Variants in CNTNAP3 observed in about 807,000 individuals in gnomAD.
The protein encoded by CNTNAP3 is contactin-associated protein-like 3.
CNTNAP3 carries 36 observed loss-of-function variants against 92.1 expected under a neutral mutation model. That is an observed-to-expected ratio of 0.39 (90% confidence interval 0.30 to 0.52). The LOEUF is 0.52. CNTNAP3 is among the 20% of genes least tolerant of loss of function. The pLI, the probability that CNTNAP3 is intolerant of heterozygous loss-of-function variation, is 0.76. For missense variants in CNTNAP3, 534 were observed against 1,069.6 expected, an observed-to-expected ratio of 0.50 and a Z score of 6.98; for synonymous variants, 232 against 422.3, an observed-to-expected ratio of 0.55 and a Z score of 5.53.
At chr9:39,113,516 C>T (rs908904465) in intron 14 of CNTNAP3, among the ~76,000 whole-genome samples, 15 of 151,360 alleles carry the variant, frequency 9.9e-5, no homozygotes, top group Non-Finnish European at 2.2e-4. Context: ...CCTGATATTT[C>T]TTTATATTAT....
chr9:39,103,618 GAAGTT>G, intron 16 of CNTNAP3, 121 bp downstream of exon 16: 1 of 1,140,774 alleles, frequency 8.8e-7, no homozygotes, highest in Non-Finnish European at 1.2e-6. Flanking sequence ...TAAAATCATA[GAAGTT>G]TAGTATTTTA....
At chr9:39,121,580 C>G (rs1169434525) in intron 13 of CNTNAP3, among the ~76,000 whole-genome samples, 1 of 152,250 alleles carries the variant, frequency 6.6e-6, no homozygotes, top group South Asian at 2.1e-4. Context: ...CTAATGGAGC[C>G]AAAGCAGATG....
intron 13 of CNTNAP3, 143 bp downstream of exon 13, chr9:39,132,789 G>C (rs1017974605): frequency 3.2e-5 from 32 of 1,001,020 alleles, no homozygotes; most frequent in African/African-American, 8.7e-5. Context: ...ACCAAGAGCG[G>C]GAAGAGAAGG....
intron 23 of CNTNAP3, among the ~76,000 whole-genome samples, chr9:39,075,160 T>A (rs1042930173): frequency 1.7e-4 from 26 of 152,198 alleles, no homozygotes; most frequent in South Asian, 8.3e-4. Flanking sequence ...ATTTTTTTTT[T>A]ACCTGGAATG....
intron 14 of CNTNAP3, among the ~76,000 whole-genome samples, chr9:39,113,469 A>C (rs1167059189): frequency 6.6e-6 from 1 of 152,026 alleles, no homozygotes; most frequent in East Asian, 1.9e-4. Flanking sequence ...ATACTGACTG[A>C]CCATAAATTC....
intron 8 of CNTNAP3, among the ~76,000 whole-genome samples, chr9:39,170,261 G>C (rs1040261537): frequency 5.8e-4 from 7 of 11,990 alleles, no homozygotes; most frequent in Admixed American, 1.3e-3. Context: ...ATTTCTTCAC[G>C]GGTCTTGAAA....
rs1174328434 is a variant in CNTNAP3, at chr9:39,272,053, C to T, written c.86-5047G>A. Among the ~76,000 whole-genome samples the T allele has an allele frequency of 9.9e-4, 21 of 21,216 alleles. 9 individuals carry two copies. Among genetic ancestry groups the T allele is most frequent in the Non-Finnish European group, 2.1e-3 (20 of 9,626 alleles). The allele number at this position is 21,216 out of a possible 152,430, so 13.9% of individuals were successfully genotyped here. On this transcript the variant is annotated intron_variant, in intron 1 of 23. Coordinates refer to ENST00000297668, the MANE Select transcript of CNTNAP3 (RefSeq NM_033655.5). ...GTATCGATCTCCTGACCTCGTGACC[C>T]GCCTGCCTCAGCCTCCCAAAGTGCT...
At chr9:39,088,915 T>C (rs1361477602) in intron 18 of CNTNAP3, among the ~76,000 whole-genome samples, 2 of 152,242 alleles carry the variant, frequency 1.3e-5, no homozygotes, top group East Asian at 1.9e-4. Flanking sequence ...CCTCATCTTA[T>C]ATTTACATAT....
rs1360660252 is a variant in CNTNAP3 at position 39,066,653 on chromosome 9, C to T, written c.*7237G>A. 6.6e-6 allele frequency among the ~76,000 whole-genome samples: 1 copy of T among 152,308 alleles called. No homozygotes were observed. Among genetic ancestry groups the T allele is most frequent in the Non-Finnish European group, 1.5e-5 (1 of 68,058 alleles). On this transcript the variant is annotated 3_prime_UTR_variant, in exon 24 of 24. Coordinates refer to ENST00000297668, the MANE Select transcript of CNTNAP3 (RefSeq NM_033655.5). ...GAAACCTAGGAGAGAGAGTTTTCTGCTTTTGGTTGGAAGATGTTTCACTGG... is the reference window on the plus strand; with the variant it reads ...GAAACCTAGGAGAGAGAGTTTTCTGTTTTTGGTTGGAAGATGTTTCACTGG...
At position 39,073,646 on chromosome 9, in the gene CNTNAP3, G is replaced by C. The variant is rs1825678172; in HGVS notation, c.*244C>G. The stretch of plus-strand genomic sequence containing the variant: ...GATGAATGGCCATACCTAATTCATT[G>C]TTTGGAAATTGATGTGGAGGACTGT... On this transcript the variant is annotated 3_prime_UTR_variant, in exon 24 of 24. Transcript: ENST00000297668. 1.4e-6 allele frequency: 1 copy of C among 719,486 alleles called. No individual in the cohort carries two copies. The highest frequency in any genetic ancestry group is 2.3e-6 in the Non-Finnish European group (1 of 431,060). 44.6% of individuals were successfully genotyped at this position (719,486 alleles called of 1,614,324 possible). A position where few individuals can be genotyped will look rare whatever the true frequency, so the allele number is the denominator to read the frequency against.
At chr9:39,086,992 T>C in intron 19 of CNTNAP3, 143 bp from the exon 20 acceptor site, 5 of 980,490 alleles carry the variant, frequency 5.1e-6, no homozygotes, top group Non-Finnish European at 7.4e-6. Context: ...CCAATAGTTA[T>C]CTTTCCCGGA....
chr9:39,096,346 G>A (rs1404589435), intron 18 of CNTNAP3, among the ~76,000 whole-genome samples: 1 of 148,964 alleles, frequency 6.7e-6, no homozygotes, highest in African/African-American at 2.5e-5. Flanking sequence ...TTCCTCTAAT[G>A]CAGGCTAATA....
At chr9:39,106,057 A>G (rs1283858474) in intron 15 of CNTNAP3, among the ~76,000 whole-genome samples, 4 of 152,092 alleles carry the variant, frequency 2.6e-5, no homozygotes, top group Non-Finnish European at 5.9e-5. Context: ...CACTGTATTT[A>G]CATATTTGCT....
rs1198106886 is a variant in CNTNAP3, at chr9:39,068,243, C to CAAAAAAAAAAAA, written c.*5635_*5646dup. Among the ~76,000 whole-genome samples the CAAAAAAAAAAAA allele has an allele frequency of 2.6e-3, 331 of 129,194 alleles. No homozygotes were observed. Among genetic ancestry groups the CAAAAAAAAAAAA allele is most frequent in the East Asian group, 0.024 (105 of 4,338 alleles). 84.8% of individuals were successfully genotyped at this position (129,194 alleles called of 152,430 possible). ...TGAAACCTTGCCTCCACTAAAAATACAAAAAAAAAAAAAAAAAAAAAAATT... is the reference window on the plus strand; with the variant it reads ...TGAAACCTTGCCTCCACTAAAAATACAAAAAAAAAAAAAAAAAAAAAAAAAAAAAAAAAAATT... On this transcript the variant is annotated 3_prime_UTR_variant, in exon 24 of 24. Coordinates refer to ENST00000297668, the MANE Select transcript of CNTNAP3 (RefSeq NM_033655.5).
chr9:39,107,659 C>G (rs985728660), intron 15 of CNTNAP3, among the ~76,000 whole-genome samples: 2 of 151,996 alleles, frequency 1.3e-5, no homozygotes, highest in African/African-American at 4.8e-5. Context: ...AAATTACTGA[C>G]ATTGGGAGAA....
intron 19 of CNTNAP3, 152 bp from the exon 20 acceptor site, chr9:39,087,001 G>A: frequency 9.6e-7 from 1 of 1,042,860 alleles, no homozygotes. Context: ...ATCTTTCCCG[G>A]AACAGTGATT....
At chr9:39,097,914 G>A (rs904706430) in intron 18 of CNTNAP3, among the ~76,000 whole-genome samples, 9 of 150,770 alleles carry the variant, frequency 6.0e-5, no homozygotes, top group Non-Finnish European at 8.9e-5. Flanking sequence ...TGCTTGTTTC[G>A]TATGAGAGAG....
At chr9:39,108,295 G>C (rs1336517898) in intron 15 of CNTNAP3, among the ~76,000 whole-genome samples, 1 of 151,820 alleles carries the variant, frequency 6.6e-6, no homozygotes, top group East Asian at 1.9e-4. Context: ...TGGGGAGTGA[G>C]TACGCATCGA....
rs767987099 is a variant in CNTNAP3 at position 39,149,516 on chromosome 9, A to ATTT, written c.1649+287_1649+289dup. Among the ~76,000 whole-genome samples the ATTT allele has an allele frequency of 1.7e-3, 244 of 144,234 alleles. 1 individual carries two copies. Among genetic ancestry groups the ATTT allele is most frequent in the African/African-American group, 2.8e-3 (109 of 39,192 alleles). The allele number at this position is 144,234 out of a possible 152,430, so 94.6% of individuals were successfully genotyped here. On this transcript the variant is annotated intron_variant, in intron 10 of 23. Transcript: ENST00000297668. Reference sequence around the variant, plus strand: ...AGGTGGCCGCCACCACGCCTGGCTAATTTTTTTTTTTTTGTATTTTTAGTA... The same window carrying ATTT: ...AGGTGGCCGCCACCACGCCTGGCTAATTTTTTTTTTTTTTTTGTATTTTTAGTA...
Sources: allele counts gnomAD v4.1 joint callset (sites outside exome capture counted in the v4.1 genomes callset), GRCh38; gene constraint gnomAD v4.1.1; transcripts MANE v1.5; gene names NCBI Gene and HGNC (gene_info 2026-07-23, HGNC 2026-07-21).